Variants in PIP4K2B observed in about 807,000 individuals in gnomAD.
The protein encoded by PIP4K2B is phosphatidylinositol 5-phosphate 4-kinase type-2 beta.
A neutral mutation model predicts 42.0 loss-of-function variants in PIP4K2B; 3 were observed. The observed-to-expected ratio is 0.07, with a 90% CI of 0.03 to 0.18. The LOEUF is 0.18. Among genes scored for constraint, PIP4K2B ranks in the 10% least tolerant of loss-of-function variants. The pLI is 1.00. For missense variants in PIP4K2B, 332 were observed against 562.3 expected (o/e 0.59, Z 4.14); for synonymous variants, 204 against 210.1 (o/e 0.97, Z 0.25).
chr17:38,778,830 T>C (rs918096393), intron 5 of PIP4K2B, among the ~76,000 whole-genome samples: 16 of 151,444 alleles, frequency 1.1e-4, no homozygotes, highest in Non-Finnish European at 2.9e-5. Flanking sequence ...AGCAATTAGG[T>C]GGGGGAAGGA....
rs780067599 is a variant in PIP4K2B at position 38,778,352 on chromosome 17, T to C, written c.675A>G (p.Glu225=). 16 of 1,614,164 alleles carry C rather than the reference T, an allele frequency of 9.9e-6. No homozygotes were observed. The highest frequency in any genetic ancestry group is 3.3e-5 in the Admixed American group (2 of 60,018). Residue 225 remains glutamate, a synonymous_variant, in exon 6 of 10, where the codon GAA becomes GAG. Coordinates refer to ENST00000619039, the MANE Select transcript of PIP4K2B (RefSeq NM_003559.5). ...AGCATACCTTCTCCTTGTCGCTCGCTTCTCTGGCAACCGTAGAACCCTGAA... is the reference window on the plus strand; with the variant it reads ...AGCATACCTTCTCCTTGTCGCTCGCCTCTCTGGCAACCGTAGAACCCTGAA... The part of the protein sequence containing the change: ...YDLKGSTVAR[E]ASDKEKAKDL...
intron 7 of PIP4K2B, among the ~76,000 whole-genome samples, chr17:38,771,995 A>C (rs1909071991): frequency 6.6e-6 from 1 of 152,204 alleles, no homozygotes; most frequent in Non-Finnish European, 1.5e-5. Flanking sequence ...GCACTATTGC[A>C]CTCAAGCCTG....
Position 38,769,866 on chromosome 17 carries a change from T to A in PIP4K2B, c.1171-95A>T, listed in dbSNP as rs1485886872. On this transcript the variant is annotated intron_variant, in intron 9 of 9. Coordinates refer to ENST00000619039, the MANE Select transcript of PIP4K2B (RefSeq NM_003559.5). Reference sequence around the variant, plus strand: ...GCCAGGGTATTCAGAAGCCTCTTACTCAGTATCAGAGCTGAATACCACCCC... The same window carrying A: ...GCCAGGGTATTCAGAAGCCTCTTACACAGTATCAGAGCTGAATACCACCCC... 2.6e-6 allele frequency: 3 copies of A among 1,162,570 alleles called. No individual in the cohort carries two copies. The African/African-American group carries it at 4.5e-5, about 18-fold the overall frequency. The allele number at this position is 1,162,570 out of a possible 1,614,324, so 72.0% of individuals were successfully genotyped here. A position where few individuals can be genotyped will look rare whatever the true frequency, so the allele number is the denominator to read the frequency against.
chr17:38,786,410 C>T (rs1194676324), intron 2 of PIP4K2B, among the ~76,000 whole-genome samples: 1 of 152,200 alleles, frequency 6.6e-6, no homozygotes, highest in African/African-American at 2.4e-5. Flanking sequence ...GCTCATACAC[C>T]AGCCAGACAG....
At position 38,767,198 on chromosome 17, in the gene PIP4K2B, T is replaced by TGGGGGCAGACAACGCTTGG. The variant is rs909988970; in HGVS notation, c.*2474_*2492dup. 5.3e-5 allele frequency: 8 copies of TGGGGGCAGACAACGCTTGG among 151,134 alleles called. No individual in the cohort carries two copies. The highest frequency in any genetic ancestry group is 1.0e-4 in the Non-Finnish European group (7 of 67,774). 9.4% of individuals were successfully genotyped at this position (151,134 alleles called of 1,614,324 possible). ...ATGGCGGGACCCAAGGAGGAAAGAG[T>TGGGGGCAGACAACGCTTGG]GGGGGCAGACAACGCTTGGGGGATC... is the stretch of plus-strand genomic sequence containing the variant. On this transcript the variant is annotated 3_prime_UTR_variant, in exon 10 of 10. Transcript: ENST00000619039.
chr17:38,781,816 C>T (rs948002962), intron 3 of PIP4K2B, among the ~76,000 whole-genome samples: 3 of 148,514 alleles, frequency 2.0e-5, no homozygotes, highest in African/African-American at 7.4e-5. Flanking sequence ...TGTGCCCAGC[C>T]TTTTTTTTTT....
chr17:38,771,546 C>CAAAAA (rs58817119), intron 7 of PIP4K2B, among the ~76,000 whole-genome samples: 20 of 39,760 alleles, frequency 5.0e-4, no homozygotes, highest in East Asian at 1.4e-3. Flanking sequence ...GAGATGGTCT[C>CAAAAA]AAAAAAAAAA....
At chr17:38,775,640 G>A (rs1049334755) in intron 7 of PIP4K2B, among the ~76,000 whole-genome samples, 2 of 152,070 alleles carry the variant, frequency 1.3e-5, no homozygotes, top group Non-Finnish European at 2.9e-5. Flanking sequence ...GGCAGATCAC[G>A]AGGTCAGGAG....
At chr17:38,790,066 A>G (rs1039266605) in intron 1 of PIP4K2B, among the ~76,000 whole-genome samples, 1 of 152,202 alleles carries the variant, frequency 6.6e-6, no homozygotes. Context: ...AAATTCATCA[A>G]ATTGTATACT....
In PIP4K2B at chr17:38,786,912, C is replaced by T. The variant is rs1433770298; in HGVS notation, c.168G>A (p.Glu56=). Reference sequence around the variant, plus strand: ...TGACAGGAACAGGAACATTGCTCAGCTCATTGATCTGAAAAGCAAGGAGAA... The same window carrying T: ...TGACAGGAACAGGAACATTGCTCAGTTCATTGATCTGAAAAGCAAGGAGAA... ...LMWGVNHTIN[E]LSNVPVPVML... is the part of the protein sequence containing the mutation. Residue 56 remains glutamate (E), a synonymous_variant, in exon 2 of 10, where the codon GAG becomes GAA. Coordinates refer to ENST00000619039, the MANE Select transcript of PIP4K2B (RefSeq NM_003559.5). 6.2e-7 allele frequency: 1 copy of T among 1,609,678 alleles called. No individual in the cohort carries two copies. The highest frequency in any genetic ancestry group is 1.7e-5 in the Admixed American group (1 of 60,014).
At chr17:38,796,504 T>C (rs138114482) in intron 1 of PIP4K2B, among the ~76,000 whole-genome samples, 65 of 152,336 alleles carry the variant, frequency 4.3e-4, no homozygotes, top group African/African-American at 1.3e-3. Context: ...CTGTATTTCA[T>C]CCACTAAAAC....
intron 3 of PIP4K2B, among the ~76,000 whole-genome samples, chr17:38,782,945 T>A (rs149255158): frequency 0.018 from 2,730 of 151,978 alleles, 21 homozygotes; most frequent in South Asian, 0.057. Flanking sequence ...CCCAGCACTT[T>A]GGGAGGCCGA....
At chr17:38,773,636 A>G (rs1206313981) in intron 7 of PIP4K2B, among the ~76,000 whole-genome samples, 1 of 152,198 alleles carries the variant, frequency 6.6e-6, no homozygotes, top group African/African-American at 2.4e-5. Flanking sequence ...ACAGAGAACT[A>G]GGAGGAGAAT....
At chr17:38,790,762 T>C (rs1910302221) in intron 1 of PIP4K2B, among the ~76,000 whole-genome samples, 1 of 152,192 alleles carries the variant, frequency 6.6e-6, no homozygotes, top group Non-Finnish European at 1.5e-5. Flanking sequence ...TGGCCCAGCC[T>C]AGGAAATTTT....
At chr17:38,788,240 G>A (rs985238067) in intron 1 of PIP4K2B, among the ~76,000 whole-genome samples, 2 of 150,836 alleles carry the variant, frequency 1.3e-5, no homozygotes, top group Admixed American at 6.6e-5. Flanking sequence ...TCACTGTGTC[G>A]CCCAGACTGG....
intron 3 of PIP4K2B, among the ~76,000 whole-genome samples, chr17:38,781,069 G>C (rs1909682695): frequency 6.6e-6 from 1 of 152,094 alleles, no homozygotes; most frequent in Non-Finnish European, 1.5e-5. Flanking sequence ...ATGAAGCTTA[G>C]AAAATACTGT....
chr17:38,776,174 T>C, intron 7 of PIP4K2B: 2 of 347,952 alleles, frequency 5.7e-6, no homozygotes, highest in Non-Finnish European at 1.1e-5. Flanking sequence ...TTCTCCATGT[T>C]GGTCAGGCTG....
chr17:38,776,727 G>A, intron 7 of PIP4K2B: 1 of 370,824 alleles, frequency 2.7e-6, no homozygotes, highest in Non-Finnish European at 5.3e-6. Flanking sequence ...TTGTTTGTAG[G>A]ATTTGGTTTT....
In PIP4K2B at chr17:38,799,240, C is replaced by T. The variant is rs2143516577; in HGVS notation, c.159+26G>A. The stretch of plus-strand genomic sequence containing the variant: ...GCGTGGGAGCGCGCGGGGCCGCGCT[C>T]AGAGGGGCGCGCAGGAGCTGGTTAC... On this transcript the variant is annotated intron_variant, in intron 1 of 9. Transcript: ENST00000619039. The surrounding 1 kb of genome is among the most constrained non-coding windows in gnomAD (Gnocchi z 4.4). The T allele has an allele frequency of 1.3e-6, 2 of 1,569,172 alleles. No homozygotes were observed. The highest frequency in any genetic ancestry group is 1.2e-5 in the South Asian group (1 of 86,832).
Sources: gnomAD v4.1 joint callset for allele counts (sites outside exome capture counted in the v4.1 genomes callset) on GRCh38, gnomAD v4.1.1 for gene constraint, Gnocchi (gnomAD v3.1) non-coding constraint, MANE v1.5 for transcripts, NCBI Gene and HGNC (gene_info 2026-07-23, HGNC 2026-07-21) for gene names.